Variants in NAA50 observed in about 807,000 individuals in gnomAD.
NAA50 encodes N-alpha-acetyltransferase 50.
NAA50 carries 7 observed loss-of-function variants against 20.7 expected under a neutral mutation model. The ratio of observed to expected loss-of-function variants is 0.34; its 90% CI spans 0.19 to 0.63. The LOEUF (loss-of-function observed/expected upper bound fraction) is 0.63, where lower values mean the gene tolerates loss of function less well. Ranked by LOEUF, NAA50 falls within the 30% of genes least tolerant of loss-of-function variation. The pLI is 0.75. For synonymous variants in NAA50, 54 were observed against 70.6 expected, an observed-to-expected ratio of 0.77 and a Z score of 1.18; for missense variants, 111 against 199.1, an observed-to-expected ratio of 0.56 and a Z score of 2.66.
At chr3:113,722,520 T>C (rs1334559765) in intron 4 of NAA50, among the ~76,000 whole-genome samples, 1 of 152,150 alleles carries the variant, frequency 6.6e-6, no homozygotes, top group South Asian at 2.1e-4. Context: ...TGATTTTGAT[T>C]ATTAAACTCT....
chr3:113,716,645 T>G lies in NAA50; in HGVS notation c.*5115A>C, dbSNP rs1708053157. On this transcript the variant is annotated 3_prime_UTR_variant, in exon 5 of 5. Coordinates refer to ENST00000240922, the MANE Select transcript of NAA50 (RefSeq NM_025146.4). ...TTATAATCAGATGTCCTACGAAAGC[T>G]ACAGTGATTCAACATGTGCTTTAAT... The G allele has an allele frequency of 6.6e-6, 1 of 152,226 alleles. No individual in the cohort carries two copies. Among genetic ancestry groups the G allele is most frequent in the African/African-American group, 2.4e-5 (1 of 41,450 alleles). 9.4% of individuals were successfully genotyped at this position (152,226 alleles called of 1,614,324 possible).
At chr3:113,730,405 CTTT>C (rs1314271646) in intron 1 of NAA50, among the ~76,000 whole-genome samples, 15 of 150,304 alleles carry the variant, frequency 1.0e-4, no homozygotes, top group East Asian at 7.8e-4. Context: ...ATTTTCCTGC[CTTT>C]TATGGGCATC....
chr3:113,746,146 C>CGCCGCCGCGCTTGT lies in NAA50; in HGVS notation c.-211_-198dup, dbSNP rs1440751671. 16 of 595,010 alleles carry CGCCGCCGCGCTTGT rather than the reference C, an allele frequency of 2.7e-5. No individual in the cohort carries two copies. Among genetic ancestry groups the CGCCGCCGCGCTTGT allele is most frequent in the Non-Finnish European group, 3.9e-5 (14 of 356,658 alleles). 36.9% of individuals were successfully genotyped at this position (595,010 alleles called of 1,614,324 possible). On this transcript the variant is annotated 5_prime_UTR_variant, in exon 1 of 5. Coordinates refer to ENST00000240922, the MANE Select transcript of NAA50 (RefSeq NM_025146.4). ...GTCTGGTGGGGGCGGGAGTGTCTCC[C>CGCCGCCGCGCTTGT]GCCGCCGCGCTTGTGCCGCCGCTTC...
rs1708096481 is a variant in NAA50, at chr3:113,718,806, C to A, written c.*2954G>T. 1 of 152,440 alleles carries A rather than the reference C, an allele frequency of 6.6e-6. No homozygotes were observed. The highest frequency in any genetic ancestry group is 6.5e-5 in the Admixed American group (1 of 15,286). 9.4% of individuals were successfully genotyped at this position (152,440 alleles called of 1,614,324 possible). Reference sequence around the variant, plus strand: ...TGTAGATATTGGGCACTGTACCTAGCAAGTCACAGAAGATCTGAATTAGGA... The same window carrying A: ...TGTAGATATTGGGCACTGTACCTAGAAAGTCACAGAAGATCTGAATTAGGA... On this transcript the variant is annotated 3_prime_UTR_variant, in exon 5 of 5. Transcript: ENST00000240922.
At chr3:113,728,142 G>T (rs976562355) in intron 1 of NAA50, among the ~76,000 whole-genome samples, 1 of 148,984 alleles carries the variant, frequency 6.7e-6, no homozygotes, top group Non-Finnish European at 1.5e-5. Context: ...AACATTACTT[G>T]AATGTAAACA....
chr3:113,744,178 T>C (rs1020200324), intron 1 of NAA50, among the ~76,000 whole-genome samples: 1 of 152,128 alleles, frequency 6.6e-6, no homozygotes, highest in African/African-American at 2.4e-5. Flanking sequence ...AAGTGCAGTA[T>C]ATGCCGCGTT....
chr3:113,729,826 G>A (rs1201162622), intron 1 of NAA50, among the ~76,000 whole-genome samples: 2 of 152,052 alleles, frequency 1.3e-5, no homozygotes, highest in East Asian at 3.9e-4. Context: ...CCAAAGTGCT[G>A]GGATTACAGG....
intron 1 of NAA50, among the ~76,000 whole-genome samples, chr3:113,743,397 C>G (rs1708444032): frequency 6.6e-6 from 1 of 152,112 alleles, no homozygotes; most frequent in South Asian, 2.1e-4. Context: ...TAACCAGGAC[C>G]ACTGTTTCGT....
At chr3:113,742,425 C>CTTTTT (rs770744656) in intron 1 of NAA50, among the ~76,000 whole-genome samples, 2 of 130,216 alleles carry the variant, frequency 1.5e-5, no homozygotes, top group African/African-American at 2.9e-5. Flanking sequence ...GCATGCCTGG[C>CTTTTT]TTTTTTTTTT....
At chr3:113,739,932 C>T (rs369346699) in intron 1 of NAA50, among the ~76,000 whole-genome samples, 1 of 151,390 alleles carries the variant, frequency 6.6e-6, no homozygotes, top group African/African-American at 2.4e-5. Flanking sequence ...CTTGATATAA[C>T]AAAAAAAAGT....
intron 4 of NAA50, among the ~76,000 whole-genome samples, chr3:113,722,146 T>A (rs150825548): frequency 1.1e-4 from 16 of 152,208 alleles, no homozygotes; most frequent in African/African-American, 3.9e-4. Context: ...CTGGCTGAGA[T>A]TAGAAGGCTC....
intron 1 of NAA50, among the ~76,000 whole-genome samples, chr3:113,734,687 G>GA (rs1708316729): frequency 2.0e-5 from 3 of 152,150 alleles, no homozygotes; most frequent in Non-Finnish European, 2.9e-5. Flanking sequence ...CAAGGCTTCA[G>GA]TTTATATAGA....
Position 113,723,590 on chromosome 3 carries a change from A to G in NAA50, c.146-49T>C, listed in dbSNP as rs768887751. 18 of 1,540,370 alleles carry G rather than the reference A, an allele frequency of 1.2e-5. No individual in the cohort carries two copies. In the African/African-American group the frequency reaches 2.5e-4, roughly 21 times the overall value. On this transcript the variant is annotated intron_variant, in intron 2 of 4. Coordinates refer to ENST00000240922, the MANE Select transcript of NAA50 (RefSeq NM_025146.4). ...TAATGTTGAACAGACAGAATAACACATTTAATCTTTTTCCCTTTTAAAGGA... is the reference window on the plus strand; with the variant it reads ...TAATGTTGAACAGACAGAATAACACGTTTAATCTTTTTCCCTTTTAAAGGA...
chr3:113,722,782 G>GT (rs1708151101), intron 4 of NAA50, 124 bp downstream of exon 4: 1 of 1,161,998 alleles, frequency 8.6e-7, no homozygotes, highest in African/African-American at 1.6e-5. Context: ...CGAATACTTT[G>GT]TAACAACTAC....
chr3:113,725,373 A>G (rs1391754849), intron 1 of NAA50, among the ~76,000 whole-genome samples: 1 of 152,246 alleles, frequency 6.6e-6, no homozygotes, highest in African/African-American at 2.4e-5. Flanking sequence ...ACATATACAA[A>G]AACATGCTTG....
At chr3:113,738,479 T>C (rs911635576) in intron 1 of NAA50, among the ~76,000 whole-genome samples, 18 of 152,356 alleles carry the variant, frequency 1.2e-4, no homozygotes, top group African/African-American at 4.3e-4. Context: ...AATTTAGTTT[T>C]CTATGTATTC....
intron 1 of NAA50, among the ~76,000 whole-genome samples, chr3:113,728,077 G>GT (rs1172722030): frequency 7.2e-5 from 9 of 124,298 alleles, no homozygotes; most frequent in Admixed American, 1.5e-4. Flanking sequence ...GGAACACGGA[G>GT]TTAAAAAAAA....
At chr3:113,740,753 T>A (rs1162774199) in intron 1 of NAA50, 2 of 159,568 alleles carry the variant, frequency 1.3e-5, no homozygotes, top group Non-Finnish European at 1.4e-5. Context: ...TTTTTTTTTT[T>A]AAAGGTCACT....
chr3:113,738,958 T>G (rs1485882547), intron 1 of NAA50, among the ~76,000 whole-genome samples: 1 of 152,164 alleles, frequency 6.6e-6, no homozygotes, highest in Non-Finnish European at 1.5e-5. Context: ...CATCTTTGTT[T>G]TACAATTTGA....
Sources: gnomAD v4.1 joint callset for allele counts (sites outside exome capture counted in the v4.1 genomes callset) on GRCh38, gnomAD v4.1.1 for gene constraint, MANE v1.5 for transcripts, NCBI Gene and HGNC (gene_info 2026-07-23, HGNC 2026-07-21) for gene names.